ADK: variants seen among roughly 807,000 people sequenced by gnomAD.
The protein encoded by ADK is adenosine kinase.
In ADK, 24 loss-of-function variants were observed where a neutral mutation model predicts 44.7. The observed-to-expected ratio is 0.54, with a 90% CI of 0.39 to 0.76. ADK has a LOEUF of 0.76. Among genes scored for constraint, ADK ranks in the 30% least tolerant of loss-of-function variants. The pLI is 0.00. For missense variants in ADK, 321 were observed against 425.1 expected, an observed-to-expected ratio of 0.76 and a Z score of 2.15; for synonymous variants, 128 against 142.6, an observed-to-expected ratio of 0.90 and a Z score of 0.73.
intron 1 of ADK, among the ~76,000 whole-genome samples, chr10:74,173,486 A>G (rs1250726332): frequency 4.0e-5 from 6 of 148,350 alleles, no homozygotes; most frequent in Non-Finnish European, 1.5e-5. Flanking sequence ...GCTGGAGTGC[A>G]GTGGAGCAAT....
chr10:74,218,214 T>G (rs1353164664), intron 2 of ADK, among the ~76,000 whole-genome samples: 5 of 151,584 alleles, frequency 3.3e-5, no homozygotes, highest in African/African-American at 1.2e-4. Context: ...GAGAACTACG[T>G]GAAGAATGCA....
At chr10:74,210,221 C>T (rs887553220) in intron 2 of ADK, among the ~76,000 whole-genome samples, 3 of 149,410 alleles carry the variant, frequency 2.0e-5, no homozygotes, top group Admixed American at 6.8e-5. Context: ...CCCAGCTACT[C>T]AGGAGGCTGA....
chr10:74,661,280 T>C (rs1342250641), intron 9 of ADK: 2 of 961,392 alleles, frequency 2.1e-6, no homozygotes, highest in East Asian at 2.3e-4. Flanking sequence ...TCATCACCTT[T>C]TTTTCAGGAA....
chr10:74,586,070 T>C (rs1851515479), intron 7 of ADK, among the ~76,000 whole-genome samples: 1 of 152,358 alleles, frequency 6.6e-6, no homozygotes, highest in East Asian at 1.9e-4. Context: ...CTTACAATTC[T>C]TACTGGGTCA....
At chr10:74,303,712 A>G (rs539374977) in intron 3 of ADK, among the ~76,000 whole-genome samples, 6 of 149,476 alleles carry the variant, frequency 4.0e-5, no homozygotes, top group Admixed American at 1.4e-4. Flanking sequence ...TAACGCCTGT[A>G]ATCCCAGCAC....
chr10:74,415,181 C>T (rs1844326009), intron 6 of ADK, among the ~76,000 whole-genome samples: 1 of 152,188 alleles, frequency 6.6e-6, no homozygotes, highest in South Asian at 2.1e-4. Context: ...AGAAAATAAG[C>T]ATATGTATAG....
At chr10:74,221,809 G>T (rs1844322118) in intron 2 of ADK, among the ~76,000 whole-genome samples, 1 of 147,588 alleles carries the variant, frequency 6.8e-6, no homozygotes, top group Non-Finnish European at 1.5e-5. Flanking sequence ...GGGAAAACTG[G>T]CTAGCCATAT....
At chr10:74,212,648 C>T (rs1322456833) in intron 2 of ADK, among the ~76,000 whole-genome samples, 2 of 152,116 alleles carry the variant, frequency 1.3e-5, no homozygotes, top group Non-Finnish European at 2.9e-5. Flanking sequence ...TCTCTCGTGC[C>T]TCTATTATTG....
chr10:74,214,894 C>G (rs1309144926), intron 2 of ADK, among the ~76,000 whole-genome samples: 1 of 152,174 alleles, frequency 6.6e-6, no homozygotes, highest in Admixed American at 6.5e-5. Flanking sequence ...AACCCTGTGA[C>G]ATAGGCAGGT....
rs570431985 is a variant in ADK at position 74,251,818 on chromosome 10, A to C, written c.194+27227A>C. 3.3e-5 allele frequency among the ~76,000 whole-genome samples: 5 copies of C among 152,088 alleles called. No homozygotes were observed. The South Asian group carries it at 1.0e-3, about 32-fold the overall frequency. On this transcript the variant is annotated intron_variant, in intron 3 of 10. Coordinates refer to ENST00000539909, the MANE Select transcript of ADK (RefSeq NM_006721.4). ...AGCTAAGGTCTGTAATTAATGTCAA[A>C]ATTAGCTATCCAATTTACTTAATAA...
intron 7 of ADK, among the ~76,000 whole-genome samples, chr10:74,580,574 TAA>T (rs11289206): frequency 1.3e-3 from 174 of 134,268 alleles, no homozygotes; most frequent in Admixed American, 1.9e-3. Flanking sequence ...AAACTCCATC[TAA>T]AAAAAAAAAA....
chr10:74,586,618 C>G (rs987231166), intron 7 of ADK, among the ~76,000 whole-genome samples: 2 of 152,012 alleles, frequency 1.3e-5, no homozygotes, highest in African/African-American at 4.8e-5. Context: ...CTTTGGAAGG[C>G]CAAGGCAGGT....
intron 3 of ADK, among the ~76,000 whole-genome samples, chr10:74,294,003 A>G (rs1839723407): frequency 6.6e-6 from 1 of 152,170 alleles, no homozygotes; most frequent in Non-Finnish European, 1.5e-5. Context: ...TTGCTGTTTT[A>G]AACTTTAAAT....
chr10:74,329,685 A>G (rs1263634172), intron 4 of ADK, among the ~76,000 whole-genome samples: 1 of 152,226 alleles, frequency 6.6e-6, no homozygotes, highest in South Asian at 2.1e-4. Context: ...ATTTTAATAC[A>G]TGTAGCAGAA....
At chr10:74,538,513 T>A (rs1307356332) in intron 7 of ADK, among the ~76,000 whole-genome samples, 1 of 152,232 alleles carries the variant, frequency 6.6e-6, no homozygotes, top group Non-Finnish European at 1.5e-5. Flanking sequence ...TTGTTGTGGT[T>A]GTTTTTTGTT....
chr10:74,360,917 G>A (rs1285202024), intron 4 of ADK, among the ~76,000 whole-genome samples: 1 of 152,032 alleles, frequency 6.6e-6, no homozygotes, highest in Non-Finnish European at 1.5e-5. Flanking sequence ...CTTTATTTGG[G>A]TTTTATTTGA....
chr10:74,469,386 G>T (rs115941610), intron 6 of ADK, among the ~76,000 whole-genome samples: 85 of 152,184 alleles, frequency 5.6e-4, no homozygotes, highest in African/African-American at 2.0e-3. Flanking sequence ...TAGAGATAGG[G>T]TCTCACTGTG....
chr10:74,558,965 A>C (rs1235745389), intron 7 of ADK, among the ~76,000 whole-genome samples: 1 of 152,222 alleles, frequency 6.6e-6, no homozygotes, highest in African/African-American at 2.4e-5. Flanking sequence ...CAGAAGCTGA[A>C]ACATTTGAAT....
intron 6 of ADK, among the ~76,000 whole-genome samples, chr10:74,468,399 T>C (rs1846434672): frequency 6.6e-6 from 1 of 152,210 alleles, no homozygotes; most frequent in South Asian, 2.1e-4. Flanking sequence ...CTTTCAGATA[T>C]GGCATGCTGT....
Sources: gnomAD v4.1 joint callset for allele counts (sites outside exome capture counted in the v4.1 genomes callset) on GRCh38, gnomAD v4.1.1 for gene constraint, MANE v1.5 for transcripts, NCBI Gene and HGNC (gene_info 2026-07-23, HGNC 2026-07-21) for gene names.